MAP2K3: variants seen among roughly 807,000 people sequenced by gnomAD.
The protein encoded by MAP2K3 is dual specificity mitogen-activated protein kinase kinase 3.
Under a neutral mutation model 46.4 loss-of-function variants are expected in MAP2K3, and 30 were observed. The observed-to-expected ratio is 0.65, with a 90% confidence interval of 0.48 to 0.88. The LOEUF is 0.88. Among genes scored for constraint, MAP2K3 ranks in the 40% least tolerant of loss-of-function variants. The pLI is 0.00. For missense variants in MAP2K3, 380 were observed against 464.5 expected, an observed-to-expected ratio of 0.82 and a Z score of 1.67; for synonymous variants, 189 against 176.3, an observed-to-expected ratio of 1.07 and a Z score of -0.57.
At chr17:21,291,353 C>A in intron 1 of MAP2K3, 1 of 407,680 alleles carries the variant, frequency 2.5e-6, no homozygotes, top group Admixed American at 2.6e-5. Context: ...CAATACAACA[C>A]AACACAACAC....
At chr17:21,310,012 G>GC (rs1555551175) in intron 9 of MAP2K3, among the ~76,000 whole-genome samples, 4 of 141,982 alleles carry the variant, frequency 2.8e-5, no homozygotes, top group Non-Finnish European at 6.2e-5. Flanking sequence ...TTTTTTTGTT[G>GC]TTTTTTTTTT....
At chr17:21,296,069 T>C (rs1278758861) in intron 1 of MAP2K3, 2 of 1,289,098 alleles carry the variant, frequency 1.6e-6, no homozygotes, top group South Asian at 1.2e-5. Flanking sequence ...GGGCAGTTTT[T>C]TTTTTCACCT....
Position 21,303,212 on chromosome 17 carries a change from C to G in MAP2K3, c.546C>G (p.Ser182Arg), listed in dbSNP as rs1976704942. The change falls in exon 7 of 12, where the codon AGC becomes AGG. Residue 182 changes from serine (S) to arginine (R), a missense_variant. Physicochemically the swap from Ser to Arg is moderately radical, Grantham distance 110 (BLOSUM62 -1). Around this residue, in one of 5 missense-constraint regions of MAP2K3, gnomAD observed 294 missense variants for 275.4 expected, o/e 1.07. Transcript: ENST00000342679. ...TGCGGGCCCTGGAGCATCTGCACAG[C>G]AAGCTGTCGGTGATCCACAGAGGTC... Reference protein sequence around the residue: ...SIVRALEHLHSKLSVIHRDVK... With the variant: ...SIVRALEHLHRKLSVIHRDVK... The G allele has an allele frequency of 6.2e-7, 1 of 1,614,102 alleles. No homozygotes were observed. The highest frequency in any genetic ancestry group is 1.1e-5 in the South Asian group (1 of 91,096).
chr17:21,294,808 G>C (rs1426360035), intron 1 of MAP2K3, among the ~76,000 whole-genome samples: 14 of 152,426 alleles, frequency 9.2e-5, no homozygotes, highest in African/African-American at 3.1e-4. Context: ...GATAACCCGG[G>C]GAGGTTTGTC....
At chr17:21,297,955 G>A (rs1976353859) in intron 1 of MAP2K3, among the ~76,000 whole-genome samples, 1 of 152,304 alleles carries the variant, frequency 6.6e-6, no homozygotes, top group Admixed American at 6.5e-5. Flanking sequence ...TGGGGGCCTG[G>A]CCTTCCTCAT....
At chr17:21,295,761 C>T (rs1406683612) in intron 1 of MAP2K3, 3 of 1,289,612 alleles carry the variant, frequency 2.3e-6, no homozygotes, top group Non-Finnish European at 3.0e-6. Flanking sequence ...GTGCAAGTGC[C>T]CTTGACAGGT....
intron 9 of MAP2K3, among the ~76,000 whole-genome samples, chr17:21,307,117 C>G (rs1976925811): frequency 6.6e-6 from 1 of 152,428 alleles, no homozygotes; most frequent in East Asian, 1.9e-4. Context: ...CTCCAGGCCC[C>G]CCTCCTCTCA....
intron 2 of MAP2K3, among the ~76,000 whole-genome samples, 165 bp downstream of exon 2, chr17:21,298,644 C>T (rs1352316254): frequency 6.6e-6 from 1 of 152,312 alleles, no homozygotes; most frequent in Non-Finnish European, 1.5e-5. Flanking sequence ...GGGGTTCATG[C>T]AGCACCATTT....
chr17:21,302,788 C>A (rs955566391), intron 6 of MAP2K3, among the ~76,000 whole-genome samples: 48 of 152,420 alleles, frequency 3.1e-4, no homozygotes, highest in Admixed American at 9.1e-4. Flanking sequence ...TTACAATATA[C>A]CCCTGCCTCA....
At chr17:21,298,802 C>A in intron 2 of MAP2K3, 76 bp from the exon 3 acceptor site, 1 of 1,608,428 alleles carries the variant, frequency 6.2e-7, no homozygotes, top group African/African-American at 1.3e-5. Context: ...CCAGGCCCCA[C>A]ACTGGCCCAT....
At chr17:21,295,441 G>A (rs1047962156) in intron 1 of MAP2K3, among the ~76,000 whole-genome samples, 7 of 152,306 alleles carry the variant, frequency 4.6e-5, no homozygotes. Context: ...GGCTTATCGT[G>A]GGTTGCCAGT....
chr17:21,300,625 G>A lies in MAP2K3; in HGVS notation c.246G>A (p.Arg82=), dbSNP rs765200173. The A allele has an allele frequency of 5.0e-6, 8 of 1,611,866 alleles. No homozygotes were observed. The highest frequency in any genetic ancestry group is 1.3e-5 in the African/African-American group (1 of 74,936). Reference sequence around the variant, plus strand: ...CCTATGGGGTGGTAGAGAAGGTGCGGCACGCCCAGAGCGGCACCATCATGG... The same window carrying A: ...CCTATGGGGTGGTAGAGAAGGTGCGACACGCCCAGAGCGGCACCATCATGG... The part of the protein sequence containing the change: ...RGAYGVVEKV[R]HAQSGTIMAV... The change falls in exon 4 of 12, where the codon CGG becomes CGA. Residue 82 remains arginine (R), a synonymous_variant. Coordinates refer to ENST00000342679, the MANE Select transcript of MAP2K3 (RefSeq NM_145109.3).
At chr17:21,289,106 C>T (rs1053856590) in intron 1 of MAP2K3, among the ~76,000 whole-genome samples, 1 of 152,210 alleles carries the variant, frequency 6.6e-6, no homozygotes, top group Non-Finnish European at 1.5e-5. Flanking sequence ...TGCTCGTAGG[C>T]GCTGTGACAT....
At chr17:21,304,346 G>A (rs970273226) in intron 7 of MAP2K3, 80 bp from the exon 8 acceptor site, 1 of 1,607,160 alleles carries the variant, frequency 6.2e-7, no homozygotes. Context: ...GCGAGGGAGG[G>A]GGGCACAGCT....
At chr17:21,310,545 G>A (rs1050175784) in intron 9 of MAP2K3, among the ~76,000 whole-genome samples, 3 of 152,270 alleles carry the variant, frequency 2.0e-5, no homozygotes, top group Non-Finnish European at 2.9e-5. Flanking sequence ...GGGCCCCAGA[G>A]CTCTCTTGGC....
chr17:21,314,121 G>T (rs1192732089), intron 11 of MAP2K3, 26 bp from the exon 12 acceptor site: 2 of 1,585,390 alleles, frequency 1.3e-6, no homozygotes, highest in African/African-American at 1.3e-5. Flanking sequence ...CCCCTCCATG[G>T]TGACTGTGCC....
intron 7 of MAP2K3, 54 bp from the exon 8 acceptor site, chr17:21,304,372 C>G: frequency 6.2e-7 from 1 of 1,613,874 alleles, no homozygotes; most frequent in Admixed American, 1.7e-5. Flanking sequence ...GAGCATGGCA[C>G]CTGCCTCCAG....
At chr17:21,310,803 C>T (rs936524596) in intron 9 of MAP2K3, among the ~76,000 whole-genome samples, 1 of 152,262 alleles carries the variant, frequency 6.6e-6, no homozygotes, top group Admixed American at 6.5e-5. Context: ...TGGCAGAAAA[C>T]ACCATATGGC....
intron 1 of MAP2K3, chr17:21,296,004 G>A: frequency 7.9e-7 from 1 of 1,272,394 alleles, no homozygotes; most frequent in Non-Finnish European, 1.0e-6. Context: ...TTTATATTCT[G>A]GTTACGAAAA....
Sources: allele counts gnomAD v4.1 joint callset (sites outside exome capture counted in the v4.1 genomes callset), GRCh38; gene constraint gnomAD v4.1.1; regional missense constraint gnomAD v4.1.1; transcripts MANE v1.5; gene names NCBI Gene and HGNC (gene_info 2026-07-23, HGNC 2026-07-21).